Variants in GUCY1A2 observed in about 807,000 individuals in gnomAD.
GUCY1A2 encodes the protein guanylate cyclase 1 soluble subunit alpha 2.
In GUCY1A2, 27 loss-of-function variants were observed where a neutral mutation model predicts 63.5. The ratio of observed to expected loss-of-function variants is 0.43; its 90% CI spans 0.31 to 0.59. The LOEUF is 0.59. Ranked by LOEUF, GUCY1A2 falls within the 20% of genes least tolerant of loss-of-function variation. The pLI, the probability that GUCY1A2 is intolerant of heterozygous loss-of-function variation, is 0.11. For synonymous variants in GUCY1A2, 364 were observed against 343.5 expected (o/e 1.06, Z -0.66); for missense variants, 768 against 913.3 (o/e 0.84, Z 2.05).
intron 1 of GUCY1A2, among the ~76,000 whole-genome samples, chr11:106,994,754 T>C (rs1325792704): frequency 6.6e-6 from 1 of 152,214 alleles, no homozygotes; most frequent in Non-Finnish European, 1.5e-5. Flanking sequence ...GCATCCTCCA[T>C]TGGTAATTTA....
intron 1 of GUCY1A2, among the ~76,000 whole-genome samples, chr11:107,000,220 AAGAG>A (rs1861595221): frequency 2.6e-5 from 4 of 152,254 alleles, no homozygotes; most frequent in Admixed American, 6.5e-5. Flanking sequence ...AACACAGAAA[AAGAG>A]AGAAAGACTT....
At chr11:107,011,609 A>C (rs886566192) in intron 1 of GUCY1A2, among the ~76,000 whole-genome samples, 2 of 146,688 alleles carry the variant, frequency 1.4e-5, no homozygotes, top group Admixed American at 1.4e-4. Flanking sequence ...TCTTTAATAT[A>C]TATAAAAAGG....
At position 106,939,638 on chromosome 11, in the gene GUCY1A2, C is replaced by T; in HGVS notation, c.1028G>A (p.Gly343Glu). The change falls in exon 4 of 8, where the codon GGG becomes GAG. Residue 343 changes from glycine (G) to glutamate (E), a missense_variant. Coordinates refer to ENST00000526355, the MANE Select transcript of GUCY1A2 (RefSeq NM_000855.3). The stretch of plus-strand genomic sequence containing the variant: ...TCGAAGCTGCTTCCTTAGACCTTCC[C>T]CCAACTGAAGGACTGACATGCTGGG... ...FDPSMSVLQL[G>E]EGLRKQLRCD... The T allele has an allele frequency of 6.2e-7, 1 of 1,613,868 alleles. No individual in the cohort carries two copies. Among genetic ancestry groups the T allele is most frequent in the Non-Finnish European group, 8.5e-7 (1 of 1,179,854 alleles).
At chr11:106,966,046 G>A (rs77736832) in intron 3 of GUCY1A2, among the ~76,000 whole-genome samples, 1,811 of 151,828 alleles carry the variant, frequency 0.012, 27 homozygotes, top group African/African-American at 0.038. Context: ...GAATATTATC[G>A]TTAACATATT....
chr11:107,014,457 T>C (rs1331507219), intron 1 of GUCY1A2, among the ~76,000 whole-genome samples: 1 of 152,180 alleles, frequency 6.6e-6, no homozygotes, highest in African/African-American at 2.4e-5. Context: ...TTTAAAGTAA[T>C]GTGTCCAGAG....
intron 6 of GUCY1A2, among the ~76,000 whole-genome samples, chr11:106,739,564 G>A (rs946294705): frequency 6.6e-6 from 1 of 152,132 alleles, no homozygotes; most frequent in African/African-American, 2.4e-5. Context: ...TACAACCTAA[G>A]GGCAGCACAG....
At chr11:106,937,641 AC>A (rs1860697571) in intron 4 of GUCY1A2, among the ~76,000 whole-genome samples, 1 of 152,206 alleles carries the variant, frequency 6.6e-6, no homozygotes, top group East Asian at 1.9e-4. Flanking sequence ...TAAAGCATCT[AC>A]AAATGTGAAC....
chr11:106,851,176 T>C (rs1194307886), intron 4 of GUCY1A2, among the ~76,000 whole-genome samples: 1 of 150,432 alleles, frequency 6.6e-6, no homozygotes, highest in African/African-American at 2.4e-5. Context: ...TGCCCACTTT[T>C]TAAATGGGTT....
At chr11:107,002,694 T>G (rs1203906812) in intron 1 of GUCY1A2, among the ~76,000 whole-genome samples, 1 of 152,204 alleles carries the variant, frequency 6.6e-6, no homozygotes, top group Non-Finnish European at 1.5e-5. Flanking sequence ...GATGAATTAG[T>G]GACATTTCAT....
At chr11:106,880,719 T>C (rs899833742) in intron 4 of GUCY1A2, among the ~76,000 whole-genome samples, 2 of 152,128 alleles carry the variant, frequency 1.3e-5, no homozygotes, top group Non-Finnish European at 2.9e-5. Context: ...TTCTTTACTG[T>C]AGGGTTTCTC....
At chr11:106,699,290 G>GT (rs1177422494) in intron 7 of GUCY1A2, among the ~76,000 whole-genome samples, 1 of 152,184 alleles carries the variant, frequency 6.6e-6, no homozygotes, top group Admixed American at 6.5e-5. Flanking sequence ...AAAGGAAAAT[G>GT]TAAGGAGTGA....
chr11:106,998,017 G>T (rs1235652871), intron 1 of GUCY1A2, among the ~76,000 whole-genome samples: 1 of 151,830 alleles, frequency 6.6e-6, no homozygotes, highest in East Asian at 1.9e-4. Context: ...GTATCTTTAG[G>T]TGTTAAAAAA....
chr11:106,763,962 G>A (rs555070331), intron 6 of GUCY1A2, among the ~76,000 whole-genome samples: 13 of 152,028 alleles, frequency 8.6e-5, no homozygotes, highest in East Asian at 7.7e-4. Flanking sequence ...TCTCTGATAC[G>A]GTTTTAAATT....
rs142157502 is a variant in GUCY1A2 at position 106,870,110 on chromosome 11, G to T, written c.1207-59632C>A. On this transcript the variant is annotated intron_variant, in intron 4 of 7. Coordinates refer to ENST00000526355, the MANE Select transcript of GUCY1A2 (RefSeq NM_000855.3). ...TCACACACCAGGGCCTCTTGTGAGG[G>T]GGGGGGAGGGGGGAGGGATAGCATT... 8.1e-3 allele frequency among the ~76,000 whole-genome samples: 1,063 copies of T among 131,912 alleles called. 16 individuals carry two copies. Among genetic ancestry groups the T allele is most frequent in the African/African-American group, 0.028 (1,003 of 35,608 alleles). The allele number at this position is 131,912 out of a possible 152,430, so 86.5% of individuals were successfully genotyped here. A position where few individuals can be genotyped will look rare whatever the true frequency, so the allele number is the denominator to read the frequency against.
intron 5 of GUCY1A2, among the ~76,000 whole-genome samples, chr11:106,799,749 A>C (rs1864837024): frequency 6.6e-6 from 1 of 152,352 alleles, no homozygotes; most frequent in African/African-American, 2.4e-5. Flanking sequence ...TTCAAGATGG[A>C]TTAAAGACTT....
At chr11:106,742,560 T>A (rs1863713459) in intron 6 of GUCY1A2, among the ~76,000 whole-genome samples, 1 of 152,236 alleles carries the variant, frequency 6.6e-6, no homozygotes, top group Non-Finnish European at 1.5e-5. Flanking sequence ...ATGGAGTATA[T>A]GTTCCACATT....
chr11:106,986,907 G>C (rs1182965766), intron 1 of GUCY1A2, among the ~76,000 whole-genome samples: 1 of 152,080 alleles, frequency 6.6e-6, no homozygotes, highest in Admixed American at 6.6e-5. Flanking sequence ...TCTTCTCCAC[G>C]ATGGCTTAAG....
intron 6 of GUCY1A2, among the ~76,000 whole-genome samples, chr11:106,709,808 A>ACT (rs1863052319): frequency 2.8e-5 from 4 of 140,852 alleles, no homozygotes; most frequent in African/African-American, 1.0e-4. Context: ...ACACGTATAG[A>ACT]ATATATAGTT....
At chr11:106,728,320 A>G (rs973063699) in intron 6 of GUCY1A2, among the ~76,000 whole-genome samples, 1 of 152,052 alleles carries the variant, frequency 6.6e-6, no homozygotes, top group Non-Finnish European at 1.5e-5. Flanking sequence ...TACTAGCCAC[A>G]GTTTATCATC....
Sources: gnomAD v4.1 joint callset for allele counts (sites outside exome capture counted in the v4.1 genomes callset) on GRCh38, gnomAD v4.1.1 for gene constraint, MANE v1.5 for transcripts, NCBI Gene and HGNC (gene_info 2026-07-23, HGNC 2026-07-21) for gene names.